The following ADCY7 variants were observed in gnomAD, a reference collection of about 807,000 sequenced individuals.
ADCY7 encodes the protein adenylate cyclase type 7.
ADCY7 carries 72 observed loss-of-function variants against 120.6 expected under a neutral mutation model. The ratio of observed to expected loss-of-function variants is 0.60; its 90% CI spans 0.49 to 0.73. The LOEUF is 0.73. ADCY7 is among the 30% of genes least tolerant of loss of function. The pLI is 0.00. For synonymous variants in ADCY7, 661 were observed against 628.0 expected (o/e 1.05, Z -0.78); for missense variants, 1,227 against 1,486.0 (o/e 0.83, Z 2.87).
In ADCY7 at chr16:50,314,272, ACCCACAGCCTGT is replaced by A; in HGVS notation, c.2857-16_2857-5del. Reference sequence around the variant, plus strand: ...GGGGCTCTGGAGATGCAAGGATCTGACCCACAGCCTGTCCCGCAGGAGCTGGAGCGGCAGCAT... The same window carrying A: ...GGGGCTCTGGAGATGCAAGGATCTGACCCGCAGGAGCTGGAGCGGCAGCAT... On this transcript the variant is annotated splice_polypyrimidine_tract_variant and splice_region_variant and intron_variant, in intron 23 of 25. Coordinates refer to ENST00000673801, the MANE Select transcript of ADCY7 (RefSeq NM_001114.5). 1.2e-6 allele frequency: 2 copies of A among 1,610,334 alleles called. No individual in the cohort carries two copies. Among genetic ancestry groups the A allele is most frequent in the Admixed American group, 3.3e-5 (2 of 60,008 alleles).
rs1171265128 is a variant in ADCY7, at chr16:50,316,141, A to G, written c.*636A>G. ...ATTAATGGGGTTTTTATCCTTTTGA[A>G]TGACTTTTCAGACACTAGACATAAA... On this transcript the variant is annotated 3_prime_UTR_variant, in exon 26 of 26. Coordinates refer to ENST00000673801, the MANE Select transcript of ADCY7 (RefSeq NM_001114.5). 1 of 152,614 alleles carries G rather than the reference A, an allele frequency of 6.6e-6. No individual in the cohort carries two copies. Among genetic ancestry groups the G allele is most frequent in the Non-Finnish European group, 1.5e-5 (1 of 68,272 alleles). The allele number at this position is 152,614 out of a possible 1,614,324, so 9.5% of individuals were successfully genotyped here.
chr16:50,265,639 T>G (rs2033183193), upstream of ADCY7, among the ~76,000 whole-genome samples: 1 of 152,106 alleles, frequency 6.6e-6, no homozygotes, highest in Admixed American at 6.5e-5. Flanking sequence ...GGTGCTGTGA[T>G]GGAGGAAGGT....
chr16:50,287,432 T>A (rs8053067), intron 1 of ADCY7, among the ~76,000 whole-genome samples: 151,698 of 151,700 alleles, frequency 1, 75,848 homozygotes, highest in Non-Finnish European at 1. Context: ...TCATGCCTGT[T>A]ATCCCAGCAC....
chr16:50,262,022 C>T (rs948135802), upstream of ADCY7, among the ~76,000 whole-genome samples: 1 of 152,138 alleles, frequency 6.6e-6, no homozygotes, highest in African/African-American at 2.4e-5. Context: ...AGTAAGGGCT[C>T]GACATCTAGG....
At position 50,304,381 on chromosome 16, in the gene ADCY7, A is replaced by G. The variant is rs768862927; in HGVS notation, c.1390A>G (p.Ser464Gly). The change falls in exon 11 of 26, where the codon AGC (serine) becomes GGC (glycine). Residue 464 changes from serine (S) to glycine (G), a missense_variant. Physicochemically the swap from Ser to Gly is moderately conservative, Grantham distance 56 (BLOSUM62 0). Transcript: ENST00000673801. ...DPRSQQPPPPSQHLPRPKGDA... is the reference protein window; with the variant it reads ...DPRSQQPPPPGQHLPRPKGDA... ...GCAGAGCCAGCAGCCACCCCCGCCC[A>G]GCCAACACCTCCCCAGGCCCAAGGG... 5 of 1,546,712 alleles carry G rather than the reference A, an allele frequency of 3.2e-6. No individual in the cohort carries two copies. The East Asian group carries it at 1.2e-4, about 36-fold the overall frequency.
At chr16:50,300,116 G>T (rs183165361) in intron 8 of ADCY7, among the ~76,000 whole-genome samples, 5 of 152,196 alleles carry the variant, frequency 3.3e-5, no homozygotes, top group African/African-American at 7.2e-5. Context: ...ATGGAGTCTC[G>T]CTGTGTTGCC....
Position 50,301,209 on chromosome 16 carries a change from C to T in ADCY7, c.1363C>T (p.Pro455Ser), listed in dbSNP as rs1386927587. 1.3e-6 allele frequency: 2 copies of T among 1,590,808 alleles called. No individual in the cohort carries two copies. Among genetic ancestry groups the T allele is most frequent in the East Asian group, 2.3e-5 (1 of 43,596 alleles). The part of the protein sequence containing the change: ...MNIRTYLVID[P>S]RSQQPPPPSQ... ...CATCCGCACCTACCTGGTCATCGAC[C>T]CCCGGGTACGAGGGCTCAGAGGCCG... Residue 455 changes from proline (P) to serine (S), a missense_variant, in exon 10 of 26, where the codon CCC (proline) becomes TCC (serine). Around this residue, in one of 5 missense-constraint regions of ADCY7, gnomAD observed 332 missense variants for 455.8 expected, o/e 0.73. Transcript: ENST00000673801.
intron 3 of ADCY7, 149 bp downstream of exon 3, chr16:50,290,809 C>T: frequency 1.2e-6 from 1 of 837,452 alleles, no homozygotes; most frequent in Non-Finnish European, 1.8e-6. Context: ...GAGTTCTCTG[C>T]ATTGACAGGG....
chr16:50,258,611 T>G (rs2032980864), intron 1 of ADCY7, among the ~76,000 whole-genome samples: 1 of 111,842 alleles, frequency 8.9e-6, no homozygotes, highest in Non-Finnish European at 2.0e-5. Context: ...TTTTTTTTTT[T>G]GAAACATGGT....
chr16:50,315,216 T>G lies in ADCY7; in HGVS notation c.3096+78T>G, dbSNP rs193109016. The stretch of plus-strand genomic sequence containing the variant: ...GGTGAGGGGACTTGGACTTAAGAGC[T>G]GCTGTCTCACCCAGCAGCCATGGTT... On this transcript the variant is annotated intron_variant, in intron 25 of 25. Coordinates refer to ENST00000673801, the MANE Select transcript of ADCY7 (RefSeq NM_001114.5). The G allele has an allele frequency of 3.5e-4, 562 of 1,584,514 alleles. 2 individuals carry two copies. The African/African-American group carries it at 6.9e-3, about 19-fold the overall frequency.
intron 12 of ADCY7, 50 bp downstream of exon 12, chr16:50,305,009 AGCAG>A (rs1213325294): frequency 9.9e-6 from 16 of 1,610,034 alleles, no homozygotes; most frequent in African/African-American, 2.7e-5. Context: ...ACCTCCTCCA[AGCAG>A]GCTGCCCTGA....
intron 9 of ADCY7, 52 bp downstream of exon 9, chr16:50,300,925 A>G (rs1596949137): frequency 6.5e-7 from 1 of 1,528,596 alleles, no homozygotes; most frequent in Non-Finnish European, 8.8e-7. Flanking sequence ...CTGGCTGTGG[A>G]TGGAGGGTTC....
intron 19 of ADCY7, among the ~76,000 whole-genome samples, chr16:50,311,084 A>T (rs1383325619): frequency 6.6e-6 from 1 of 152,166 alleles, no homozygotes; most frequent in Non-Finnish European, 1.5e-5. Context: ...CCACCGGGTC[A>T]TCCTGTTTCC....
At position 50,309,626 on chromosome 16, in the gene ADCY7, G is replaced by C; in HGVS notation, c.2140G>C (p.Ala714Pro). 2 of 1,611,450 alleles carry C rather than the reference G, an allele frequency of 1.2e-6. No individual in the cohort carries two copies. Among genetic ancestry groups the C allele is most frequent in the Non-Finnish European group, 1.7e-6 (2 of 1,180,004 alleles). Residue 714 changes from alanine to proline, a missense_variant, in exon 18 of 26, where the codon GCC becomes CCC. This residue lies in a region of ADCY7 where 267 missense variants were observed against 270.0 expected (regional missense o/e 0.99). Transcript: ENST00000673801. Reference sequence around the variant, plus strand: ...ACTGGCCGCGAGCAGCAAGACAAGAGCCCTGTGTGAGCCCCTCCCGGTGAG... The same window carrying C: ...ACTGGCCGCGAGCAGCAAGACAAGACCCCTGTGTGAGCCCCTCCCGGTGAG... ...GLLAASSKTR[A>P]LCEPLPYYTC...
rs2036618631 is a variant in ADCY7, at chr16:50,313,733, A to T, written c.2752-225A>T. 1.3e-5 allele frequency: 7 copies of T among 548,834 alleles called. No homozygotes were observed. In the South Asian group the frequency reaches 1.8e-4, roughly 14 times the overall value. 34.0% of individuals were successfully genotyped at this position (548,834 alleles called of 1,614,324 possible). A position where few individuals can be genotyped will look rare whatever the true frequency, so the allele number is the denominator to read the frequency against. On this transcript the variant is annotated intron_variant, in intron 22 of 25. Coordinates refer to ENST00000673801, the MANE Select transcript of ADCY7 (RefSeq NM_001114.5). ...TCTGTGCAGACACAGATGGAAGGGA[A>T]GAGGGAGACAGTGTGGGGACGGAGA...
chr16:50,312,233 G>T lies in ADCY7; in HGVS notation c.2604+42G>T, dbSNP rs367855829. The T allele has an allele frequency of 1.9e-6, 3 of 1,607,850 alleles. No individual in the cohort carries two copies. In the Admixed American group the frequency reaches 5.0e-5, roughly 27 times the overall value. On this transcript the variant is annotated intron_variant, in intron 21 of 25. Coordinates refer to ENST00000673801, the MANE Select transcript of ADCY7 (RefSeq NM_001114.5). ...CTGGGGCGGGGGCAGGGAGGCGGAC[G>T]GTCCAGGCGCAGTCCGTAGGGTGAA...
rs144649862 is a variant in ADCY7 at position 50,258,035 on chromosome 16, G to A, written c.-64+11832G>A. Among the ~76,000 whole-genome samples the A allele has an allele frequency of 9.5e-4, 144 of 152,180 alleles. 1 individual carries two copies. The highest frequency in any genetic ancestry group is 2.8e-3 in the African/African-American group (117 of 41,524). On this transcript the variant is annotated intron_variant, in intron 1 of 4. Transcript: ENST00000564044. ...GCTGGGATTAGGGACGTGAGCCACC[G>A]TGCCTGGCCTATATGTTAATATTAG...
At chr16:50,284,847 G>A (rs1204087864) in intron 1 of ADCY7, among the ~76,000 whole-genome samples, 1 of 152,238 alleles carries the variant, frequency 6.6e-6, no homozygotes, top group Non-Finnish European at 1.5e-5. Flanking sequence ...GTGAGACGGT[G>A]GTGCCACCTT....
Position 50,315,045 on chromosome 16 carries a change from G to A in ADCY7, c.3003G>A (p.Val1001=), listed in dbSNP as rs2230664. Residue 1001 remains valine, a synonymous_variant, in exon 25 of 26, where the codon GTG becomes GTA. Transcript: ENST00000673801. ...ACCATGGGCCTGTGATTGCTGGAGT[G>A]ATTGGGGCCCGAAAACCTCAGTATG... ...GINHGPVIAG[V]IGARKPQYDI... The A allele has an allele frequency of 6.2e-7, 1 of 1,614,234 alleles. No homozygotes were observed.
Sources: gnomAD v4.1 joint callset for allele counts (sites outside exome capture counted in the v4.1 genomes callset) on GRCh38, gnomAD v4.1.1 for gene constraint, gnomAD v4.1.1 regional missense constraint, MANE v1.5 for transcripts, NCBI Gene and HGNC (gene_info 2026-07-23, HGNC 2026-07-21) for gene names.